HSH2D: variants seen among roughly 807,000 people sequenced by gnomAD.
HSH2D encodes the protein hematopoietic SH2 domain-containing protein.
HSH2D carries 16 observed loss-of-function variants against 21.5 expected under a neutral mutation model. That is an observed-to-expected ratio of 0.74 (90% CI 0.50 to 1.13). HSH2D has a LOEUF of 1.13. Among genes scored for constraint, HSH2D ranks in the 50% most tolerant of loss-of-function variants. The pLI is 0.00. For missense variants in HSH2D, 418 were observed against 441.4 expected, an observed-to-expected ratio of 0.95 and a Z score of 0.47; for synonymous variants, 172 against 184.7, an observed-to-expected ratio of 0.93 and a Z score of 0.56.
chr19:16,152,536 G>C lies in HSH2D; in HGVS notation c.126-16G>C, dbSNP rs747994855. On this transcript the variant is annotated splice_polypyrimidine_tract_variant and intron_variant, in intron 2 of 5. Coordinates refer to ENST00000613986, the MANE Select transcript of HSH2D (RefSeq NM_001382417.1). Reference sequence around the variant, plus strand: ...GGCTGGACTGTTTCATTTCCTTTCTGTGTGTGCCCTTCCAGGGATGCTGAG... The same window carrying C: ...GGCTGGACTGTTTCATTTCCTTTCTCTGTGTGCCCTTCCAGGGATGCTGAG... 6.8e-7 allele frequency: 1 copy of C among 1,466,792 alleles called. No individual in the cohort carries two copies. Among genetic ancestry groups the C allele is most frequent in the Non-Finnish European group, 9.0e-7 (1 of 1,107,040 alleles). 90.9% of individuals were successfully genotyped at this position (1,466,792 alleles called of 1,614,324 possible). A position where few individuals can be genotyped will look rare whatever the true frequency, so the allele number is the denominator to read the frequency against.
At chr19:16,138,353 T>C (rs1228510974) in intron 1 of HSH2D, among the ~76,000 whole-genome samples, 2 of 152,224 alleles carry the variant, frequency 1.3e-5, no homozygotes, top group Non-Finnish European at 2.9e-5. Context: ...CATTCATTCA[T>C]TCATGGACAT....
At chr19:16,156,659 A>G (rs1467213302) in intron 5 of HSH2D, among the ~76,000 whole-genome samples, 1 of 152,176 alleles carries the variant, frequency 6.6e-6, no homozygotes, top group Non-Finnish European at 1.5e-5. Flanking sequence ...TACAGCCTGC[A>G]AAGTTGAAAT....
intron 4 of HSH2D, 149 bp downstream of exon 4, chr19:16,153,357 GC>G: frequency 1.3e-6 from 1 of 744,476 alleles, no homozygotes; most frequent in Non-Finnish European, 2.1e-6. Context: ...TAGTCCCTCT[GC>G]CCCCCACAGC....
rs867048971 is a variant in HSH2D at position 16,153,174 on chromosome 19, C to T, written c.347C>T (p.Pro116Leu). The T allele has an allele frequency of 3.2e-5, 50 of 1,565,168 alleles. No homozygotes were observed. Among genetic ancestry groups the T allele is most frequent in the Non-Finnish European group, 4.2e-5 (48 of 1,156,526 alleles). The change falls in exon 4 of 6, where the codon CCG becomes CTG. Residue 116 changes from proline (P) to leucine (L), a missense_variant. Pro to Leu is a moderately conservative substitution (Grantham distance 98). Transcript: ENST00000613986. ...TTCCACCAGCAGAAGCCAATTGAGCCGCGCAGGGAGCTGCTGACACAGCCC... is the reference window on the plus strand; with the variant it reads ...TTCCACCAGCAGAAGCCAATTGAGCTGCGCAGGGAGCTGCTGACACAGCCC... ...VTFHQQKPIE[P>L]RRELLTQPCR...
At chr19:16,151,494 A>G (rs1024584313) in intron 2 of HSH2D, 1 of 455,776 alleles carries the variant, frequency 2.2e-6, no homozygotes. Context: ...GCTGAAGGTC[A>G]GAAAGGGAGA....
intron 2 of HSH2D, 121 bp from the exon 3 acceptor site, chr19:16,152,431 A>AG (rs1459786395): frequency 2.1e-5 from 11 of 529,100 alleles, no homozygotes; most frequent in South Asian, 4.8e-5. Context: ...AAAAAAAAAA[A>AG]GGAAAAAAGA....
intron 1 of HSH2D, 30 bp from the exon 2 acceptor site, chr19:16,148,694 A>C: frequency 1.2e-6 from 2 of 1,608,394 alleles, no homozygotes; most frequent in Non-Finnish European, 1.7e-6. Flanking sequence ...ATCAAGCTTG[A>C]TTCTTGTCTT....
intron 1 of HSH2D, among the ~76,000 whole-genome samples, chr19:16,137,571 C>T (rs1349716648): frequency 1.4e-5 from 2 of 142,404 alleles, no homozygotes; most frequent in South Asian, 2.3e-4. Context: ...AGCGAGACTC[C>T]GTCTCAAAAA....
At chr19:16,143,340 T>G (rs2091019983), upstream of HSH2D, among the ~76,000 whole-genome samples, 1 of 152,180 alleles carries the variant, frequency 6.6e-6, no homozygotes, top group African/African-American at 2.4e-5. Context: ...TGCCTCAGCC[T>G]GTCAAAGTGC....
upstream of HSH2D, among the ~76,000 whole-genome samples, chr19:16,141,079 G>A (rs2090996633): frequency 6.6e-6 from 1 of 152,200 alleles, no homozygotes; most frequent in Admixed American, 6.5e-5. Flanking sequence ...GTGCTGTGCT[G>A]GAGAGTTGCC....
chr19:16,149,304 G>A (rs1417386102), intron 2 of HSH2D, among the ~76,000 whole-genome samples: 1 of 152,190 alleles, frequency 6.6e-6, no homozygotes, highest in Admixed American at 6.5e-5. Context: ...CCGGACTCAA[G>A]TGATTCTTCC....
At chr19:16,143,625 C>A (rs990762377), upstream of HSH2D, 7 of 363,394 alleles carry the variant, frequency 1.9e-5, no homozygotes, top group Non-Finnish European at 3.9e-5. Context: ...CCTTGTTCCG[C>A]CCCCAGGGCT....
chr19:16,139,819 C>G (rs762453519), upstream of HSH2D: 1 of 152,206 alleles, frequency 6.6e-6, no homozygotes, highest in Middle Eastern at 3.1e-3. Flanking sequence ...ATTCTAGCCC[C>G]GTTATCTCCC....
In HSH2D at chr19:16,157,449, A is replaced by G; in HGVS notation, c.714A>G (p.Arg238=). The part of the protein sequence containing the change: ...VNLSSLLDVR[R]STVISGPGTG... ...TGTCGTCACTCTTGGATGTCCGGAG[A>G]TCCACGGTGATCTCAGGCCCTGGGA... Residue 238 remains arginine, a synonymous_variant, in exon 6 of 6, where the codon AGA becomes AGG. Transcript: ENST00000613986. This position sits in a 1 kb window ranked among gnomAD's most constrained non-coding sequence, Gnocchi z 4.4. 1 of 1,613,858 alleles carries G rather than the reference A, an allele frequency of 6.2e-7. No homozygotes were observed. Among genetic ancestry groups the G allele is most frequent in the Non-Finnish European group, 8.5e-7 (1 of 1,179,868 alleles).
intron 5 of HSH2D, among the ~76,000 whole-genome samples, chr19:16,155,310 G>T (rs1018300525): frequency 6.6e-6 from 1 of 152,098 alleles, no homozygotes; most frequent in Non-Finnish European, 1.5e-5. Context: ...AGGCTTCCTA[G>T]AGGAGGTGGC....
chr19:16,152,818 T>A (rs1356410252), intron 3 of HSH2D, 177 bp downstream of exon 3: 12 of 767,244 alleles, frequency 1.6e-5, no homozygotes, highest in Non-Finnish European at 2.7e-5. Context: ...TAGTGGCATG[T>A]TTTATCTGAG....
chr19:16,136,542 T>C (rs1002829514), intron 1 of HSH2D, among the ~76,000 whole-genome samples: 1 of 152,176 alleles, frequency 6.6e-6, no homozygotes, highest in Non-Finnish European at 1.5e-5. Context: ...AAATTATTTT[T>C]TCTAACAAAA....
intron 1 of HSH2D, among the ~76,000 whole-genome samples, chr19:16,134,491 T>C (rs2090946573): frequency 6.6e-6 from 1 of 152,212 alleles, no homozygotes; most frequent in Non-Finnish European, 1.5e-5. Context: ...GGAAGCAGCC[T>C]CAGATCTATT....
intron 4 of HSH2D, among the ~76,000 whole-genome samples, 187 bp from the exon 5 acceptor site, chr19:16,154,212 T>G (rs1331265224): frequency 6.6e-6 from 1 of 152,106 alleles, no homozygotes; most frequent in Non-Finnish European, 1.5e-5. Context: ...GAAGGCTCAG[T>G]GGGTGTGTCC....
Sources: allele counts gnomAD v4.1 joint callset (sites outside exome capture counted in the v4.1 genomes callset), GRCh38; gene constraint gnomAD v4.1.1; non-coding constraint Gnocchi (gnomAD v3.1); transcripts MANE v1.5; gene names NCBI Gene and HGNC (gene_info 2026-07-23, HGNC 2026-07-21).